The following CCDC152 variants were observed in gnomAD, a reference collection of about 807,000 sequenced individuals.
The protein encoded by CCDC152 is coiled-coil domain-containing protein 152.
Under a neutral mutation model 38.1 loss-of-function variants are expected in CCDC152, and 37 were observed. The observed-to-expected ratio is 0.97, with a 90% CI of 0.75 to 1.28. The LOEUF (loss-of-function observed/expected upper bound fraction) is 1.28, where lower values mean the gene tolerates loss of function less well. CCDC152 is among the 50% of genes most tolerant of loss of function. The pLI, the probability that CCDC152 is intolerant of heterozygous loss-of-function variation, is 0.00. For synonymous variants in CCDC152, 83 were observed against 87.1 expected, an observed-to-expected ratio of 0.95 and a Z score of 0.26; for missense variants, 259 against 292.1, an observed-to-expected ratio of 0.89 and a Z score of 0.83.
Position 42,762,527 on chromosome 5 carries a change from A to G in CCDC152, c.172A>G (p.Lys58Glu). 6.5e-7 allele frequency: 1 copy of G among 1,527,860 alleles called. No homozygotes were observed. Among genetic ancestry groups the G allele is most frequent in the Non-Finnish European group, 8.9e-7 (1 of 1,125,642 alleles). 94.6% of individuals were successfully genotyped at this position (1,527,860 alleles called of 1,614,324 possible). The part of the protein sequence containing the change: ...SNCLLKVMQA[K>E]EVSIKEECAT... ...TTGCCTATTAAAAGTAATGCAAGCAAAGGAGGTCTCCATTAAAGAAGGTTA... is the reference window on the plus strand; with the variant it reads ...TTGCCTATTAAAAGTAATGCAAGCAGAGGAGGTCTCCATTAAAGAAGGTTA... Residue 58 changes from lysine to glutamate, a missense_variant, in exon 3 of 9, where the codon AAG becomes GAG. Transcript: ENST00000361970.
chr5:42,776,224 CAT>C (rs1491488566), intron 4 of CCDC152, among the ~76,000 whole-genome samples: 1 of 152,062 alleles, frequency 6.6e-6, no homozygotes, highest in African/African-American at 2.4e-5. Flanking sequence ...TATAAAGGCA[CAT>C]ATAGATTAAA....
At chr5:42,764,962 T>C (rs1168628783) in intron 3 of CCDC152, among the ~76,000 whole-genome samples, 2 of 152,106 alleles carry the variant, frequency 1.3e-5, no homozygotes, top group African/African-American at 4.8e-5. Flanking sequence ...GGCATCCAAA[T>C]TGGAAAGGAA....
At chr5:42,796,433 C>T (rs1760076889) in intron 6 of CCDC152, among the ~76,000 whole-genome samples, 1 of 152,016 alleles carries the variant, frequency 6.6e-6, no homozygotes, top group South Asian at 2.1e-4. Flanking sequence ...ATGATGTGAA[C>T]ATGAGAATGG....
intron 5 of CCDC152, among the ~76,000 whole-genome samples, chr5:42,780,938 A>G (rs914751805): frequency 1.3e-5 from 2 of 152,236 alleles, no homozygotes; most frequent in African/African-American, 4.8e-5. Flanking sequence ...TCTCCTTAGA[A>G]AAATGAAAAG....
chr5:42,766,680 G>A (rs1386133116), intron 3 of CCDC152, among the ~76,000 whole-genome samples: 2 of 142,694 alleles, frequency 1.4e-5, no homozygotes, highest in African/African-American at 5.1e-5. Context: ...AACATCATAT[G>A]TTCTCATTTA....
chr5:42,785,952 C>T (rs1187574952), intron 6 of CCDC152, among the ~76,000 whole-genome samples: 2 of 152,082 alleles, frequency 1.3e-5, no homozygotes, highest in Non-Finnish European at 2.9e-5. Context: ...ATCGAACCAT[C>T]CTTGCATCCC....
At chr5:42,777,745 T>C (rs1392537988) in intron 4 of CCDC152, among the ~76,000 whole-genome samples, 1 of 152,244 alleles carries the variant, frequency 6.6e-6, no homozygotes, top group African/African-American at 2.4e-5. Context: ...GCAAGTTTTA[T>C]ATGTGGACCC....
At chr5:42,796,119 A>T (rs1000276238) in intron 6 of CCDC152, among the ~76,000 whole-genome samples, 1 of 152,024 alleles carries the variant, frequency 6.6e-6, no homozygotes, top group Non-Finnish European at 1.5e-5. Flanking sequence ...GAGGGATAGC[A>T]TTAGCAGATA....
Position 42,800,608 on chromosome 5 carries a change from G to A in CCDC152, c.*827G>A. 7.7e-7 allele frequency: 1 copy of A among 1,293,456 alleles called. No homozygotes were observed. The highest frequency in any genetic ancestry group is 1.6e-5 in the South Asian group (1 of 63,910). The allele number at this position is 1,293,456 out of a possible 1,614,324, so 80.1% of individuals were successfully genotyped here. On this transcript the variant is annotated 3_prime_UTR_variant, in exon 9 of 9. Transcript: ENST00000361970. ...AAGCCAATTCAGTAGATTTCTCCATGTTTGCACAAATCTAATTTCTATTTT... is the reference window on the plus strand; with the variant it reads ...AAGCCAATTCAGTAGATTTCTCCATATTTGCACAAATCTAATTTCTATTTT...
intron 6 of CCDC152, among the ~76,000 whole-genome samples, chr5:42,787,139 G>T (rs1470388098): frequency 1.3e-5 from 2 of 152,034 alleles, no homozygotes; most frequent in Non-Finnish European, 2.9e-5. Context: ...TGAGTGGAAT[G>T]TTCTGTAGAT....
chr5:42,756,979 C>T (rs1239538556), intron 1 of CCDC152, 94 bp downstream of exon 1: 8 of 152,690 alleles, frequency 5.2e-5, no homozygotes. Flanking sequence ...GGGTCCATTA[C>T]AGGCTTTTCT....
rs147114127 is a variant in CCDC152 at position 42,782,211 on chromosome 5, G to A, written c.328-1263G>A. 2.1e-4 allele frequency among the ~76,000 whole-genome samples: 32 copies of A among 152,320 alleles called. No individual in the cohort carries two copies. In the East Asian group the frequency reaches 6.0e-3, roughly 28 times the overall value. On this transcript the variant is annotated intron_variant, in intron 5 of 8. Coordinates refer to ENST00000361970, the MANE Select transcript of CCDC152 (RefSeq NM_001134848.2). ...ATTTATATAATTTTTGGAAACAGAA[G>A]TTCAGCTTGCATTCAAAGAGACTCA...
At chr5:42,770,094 C>T (rs1377620894) in intron 4 of CCDC152, among the ~76,000 whole-genome samples, 1 of 152,184 alleles carries the variant, frequency 6.6e-6, no homozygotes, top group East Asian at 1.9e-4. Flanking sequence ...GTGAAGTCAA[C>T]ACATTCAGCT....
intron 6 of CCDC152, among the ~76,000 whole-genome samples, chr5:42,785,662 T>C (rs76574270): frequency 6.6e-6 from 1 of 152,262 alleles, no homozygotes; most frequent in African/African-American, 2.4e-5. Context: ...TTCAGTACTA[T>C]GTTGAATAGG....
intron 3 of CCDC152, among the ~76,000 whole-genome samples, chr5:42,764,731 A>C (rs140159692): frequency 6.6e-6 from 1 of 152,342 alleles, no homozygotes; most frequent in Non-Finnish European, 1.5e-5. Flanking sequence ...ACATTCCTTC[A>C]TGATAAAAAC....
At position 42,769,683 on chromosome 5, in the gene CCDC152, G is replaced by T; in HGVS notation, c.262+18G>T. 1 of 1,462,644 alleles carries T rather than the reference G, an allele frequency of 6.8e-7. No individual in the cohort carries two copies. The highest frequency in any genetic ancestry group is 9.0e-7 in the Non-Finnish European group (1 of 1,105,230). 90.6% of individuals were successfully genotyped at this position (1,462,644 alleles called of 1,614,324 possible). On this transcript the variant is annotated intron_variant, in intron 4 of 8. Transcript: ENST00000361970. ...TTTGAAAGGTAAGTTAGAAAAAAAA[G>T]TAAAATCTAAAAAAGCATTGTGTAT...
chr5:42,758,374 T>C (rs1224780629), intron 1 of CCDC152, among the ~76,000 whole-genome samples: 1 of 152,216 alleles, frequency 6.6e-6, no homozygotes, highest in East Asian at 1.9e-4. Context: ...ACACCATACA[T>C]TGGTTCATGT....
intron 4 of CCDC152, among the ~76,000 whole-genome samples, chr5:42,775,382 A>G (rs1035687145): frequency 6.6e-6 from 1 of 152,230 alleles, no homozygotes; most frequent in Non-Finnish European, 1.5e-5. Context: ...GCTTCTTCTC[A>G]GGAACCATGC....
chr5:42,769,471 A>G lies in CCDC152; in HGVS notation c.194-126A>G, dbSNP rs977020416. On this transcript the variant is annotated intron_variant, in intron 3 of 8. Coordinates refer to ENST00000361970, the MANE Select transcript of CCDC152 (RefSeq NM_001134848.2). ...TCCTGCCTCAGCCTCTTGAGTCAAT[A>G]GGACTACAAGGCACACATCACCATG... 9 of 1,114,574 alleles carry G rather than the reference A, an allele frequency of 8.1e-6. No individual in the cohort carries two copies. In the African/African-American group the frequency reaches 1.5e-4, roughly 18 times the overall value. 69.0% of individuals were successfully genotyped at this position (1,114,574 alleles called of 1,614,324 possible). A position where few individuals can be genotyped will look rare whatever the true frequency, so the allele number is the denominator to read the frequency against.
Sources: allele counts gnomAD v4.1 joint callset (sites outside exome capture counted in the v4.1 genomes callset), GRCh38; gene constraint gnomAD v4.1.1; transcripts MANE v1.5; gene names NCBI Gene and HGNC (gene_info 2026-07-23, HGNC 2026-07-21).